Variants in SPATS2 observed in about 807,000 individuals in gnomAD.
SPATS2 encodes spermatogenesis-associated serine-rich protein 2.
Under a neutral mutation model 63.7 loss-of-function variants are expected in SPATS2, and 38 were observed. That is an observed-to-expected ratio of 0.60 (90% confidence interval 0.46 to 0.78). The LOEUF (loss-of-function observed/expected upper bound fraction) is 0.78, where lower values mean the gene tolerates loss of function less well. Among genes scored for constraint, SPATS2 ranks in the 30% least tolerant of loss-of-function variants. The pLI is 0.00. For missense variants in SPATS2, 588 were observed against 666.2 expected, an observed-to-expected ratio of 0.88 and a Z score of 1.29; for synonymous variants, 207 against 232.9, an observed-to-expected ratio of 0.89 and a Z score of 1.01.
chr12:49,386,725 A>G (rs953642882), intron 2 of SPATS2, among the ~76,000 whole-genome samples: 13 of 152,152 alleles, frequency 8.5e-5, no homozygotes, highest in Non-Finnish European at 1.5e-5. Context: ...GGGAGAAGCA[A>G]TGGATGGAAG....
chr12:49,409,466 C>T (rs759472474), intron 2 of SPATS2, among the ~76,000 whole-genome samples: 9 of 151,514 alleles, frequency 5.9e-5, no homozygotes, highest in Non-Finnish European at 8.8e-5. Flanking sequence ...CCACCATGCC[C>T]GGCTAATTTT....
At position 49,431,973 on chromosome 12, in the gene SPATS2, A is replaced by G. The variant is rs183929998; in HGVS notation, c.-243-28797A>G. Among the ~76,000 whole-genome samples the G allele has an allele frequency of 9.0e-3, 1,374 of 152,252 alleles. 14 individuals are homozygous for G. The highest frequency in any genetic ancestry group is 0.016 in the Non-Finnish European group (1,063 of 68,010). On this transcript the variant is annotated intron_variant, in intron 2 of 13. Transcript: ENST00000552918. The stretch of plus-strand genomic sequence containing the variant: ...GGTTGAGGGTACAGTGAGCCTGGGC[A>G]ACAAAACAAGACCTTGTCAAAAAAA...
rs1945818107 is a variant in SPATS2, at chr12:49,461,299, A to G, written c.25+262A>G. 3 of 416,634 alleles carry G rather than the reference A, an allele frequency of 7.2e-6. No individual in the cohort carries two copies. The South Asian group carries it at 1.0e-4, about 14-fold the overall frequency. The allele number at this position is 416,634 out of a possible 1,614,324, so 25.8% of individuals were successfully genotyped here. On this transcript the variant is annotated intron_variant, in intron 3 of 13. Coordinates refer to ENST00000552918, the MANE Select transcript of SPATS2 (RefSeq NM_023071.4). Reference sequence around the variant, plus strand: ...TTTGAATACTGAACATATGTTAGGGAGATGTGTTAAGAGGGCTAGCTTGCT... The same window carrying G: ...TTTGAATACTGAACATATGTTAGGGGGATGTGTTAAGAGGGCTAGCTTGCT...
chr12:49,416,592 A>G (rs1264255301), intron 2 of SPATS2, among the ~76,000 whole-genome samples: 5 of 151,892 alleles, frequency 3.3e-5, no homozygotes, highest in African/African-American at 4.8e-5. Flanking sequence ...GGTTCAAGCA[A>G]TTCTCCTGCC....
At chr12:49,420,214 T>C (rs1391746137) in intron 2 of SPATS2, among the ~76,000 whole-genome samples, 1 of 152,210 alleles carries the variant, frequency 6.6e-6, no homozygotes, top group Non-Finnish European at 1.5e-5. Flanking sequence ...TGCATTAAAA[T>C]TTTTTTATTT....
chr12:49,452,645 T>C (rs1433692504), intron 2 of SPATS2, among the ~76,000 whole-genome samples: 1 of 152,202 alleles, frequency 6.6e-6, no homozygotes, highest in African/African-American at 2.4e-5. Context: ...TTTCTTCAAG[T>C]TTTCTGATTT....
chr12:49,456,242 G>A (rs1260742575), intron 2 of SPATS2, among the ~76,000 whole-genome samples: 2 of 152,174 alleles, frequency 1.3e-5, no homozygotes, highest in Non-Finnish European at 2.9e-5. Context: ...AGGTTCAGTA[G>A]GTTTCTTGTG....
intron 2 of SPATS2, among the ~76,000 whole-genome samples, chr12:49,393,879 A>G (rs146941952): frequency 1.6e-3 from 239 of 152,128 alleles, no homozygotes; most frequent in African/African-American, 5.4e-3. Context: ...GGTTCTCCCT[A>G]TGTTGCCCAG....
At chr12:49,517,026 A>G (rs190340847) in intron 10 of SPATS2, among the ~76,000 whole-genome samples, 91 of 152,278 alleles carry the variant, frequency 6.0e-4, no homozygotes, top group African/African-American at 1.2e-3. Flanking sequence ...TAGTATTTCA[A>G]TCTTTTCCAG....
At chr12:49,387,851 T>C (rs1391857168) in intron 2 of SPATS2, among the ~76,000 whole-genome samples, 3 of 152,148 alleles carry the variant, frequency 2.0e-5, no homozygotes, top group Admixed American at 2.0e-4. Flanking sequence ...CTGTTCATAA[T>C]GGAGAGGAGT....
chr12:49,500,242 A>G (rs764582332), intron 9 of SPATS2, 37 bp downstream of exon 9: 143 of 1,577,246 alleles, frequency 9.1e-5, no homozygotes, highest in Non-Finnish European at 1.2e-4. Flanking sequence ...TAGCATAAAA[A>G]TGATCATATA....
At chr12:49,469,547 A>G (rs1417486484) in intron 3 of SPATS2, 1 of 389,632 alleles carries the variant, frequency 2.6e-6, no homozygotes, top group Non-Finnish European at 5.1e-6. Flanking sequence ...GTCTCTAAAA[A>G]AAAAAAAAAA....
At chr12:49,525,667 G>A (rs778846910) in intron 13 of SPATS2, among the ~76,000 whole-genome samples, 1 of 152,174 alleles carries the variant, frequency 6.6e-6, no homozygotes, top group African/African-American at 2.4e-5. Flanking sequence ...ACAACCCAGA[G>A]AATGTTCTTT....
At chr12:49,512,606 A>G (rs1447202937) in intron 9 of SPATS2, among the ~76,000 whole-genome samples, 1 of 152,204 alleles carries the variant, frequency 6.6e-6, no homozygotes, top group Non-Finnish European at 1.5e-5. Flanking sequence ...AAAAAGCCTG[A>G]TTGTGTTGAT....
chr12:49,436,534 C>A (rs1945295282), intron 2 of SPATS2, among the ~76,000 whole-genome samples: 1 of 125,804 alleles, frequency 7.9e-6, no homozygotes, highest in Non-Finnish European at 1.8e-5. Context: ...GGCTGACCCC[C>A]CCGCCTCCTG....
intron 9 of SPATS2, among the ~76,000 whole-genome samples, chr12:49,508,567 T>A (rs1946691912): frequency 6.6e-6 from 1 of 152,170 alleles, no homozygotes; most frequent in Non-Finnish European, 1.5e-5. Context: ...TAAGGGGGCT[T>A]AACACCCCAG....
intron 8 of SPATS2, among the ~76,000 whole-genome samples, chr12:49,498,132 C>CAAAAAAA (rs71439501): frequency 4.3e-5 from 5 of 117,350 alleles, no homozygotes; most frequent in Non-Finnish European, 8.3e-5. Flanking sequence ...CCAATCAAGC[C>CAAAAAAA]AAAAAAAAAA....
At chr12:49,391,194 AAGT>A (rs1487957738) in intron 2 of SPATS2, among the ~76,000 whole-genome samples, 2 of 152,196 alleles carry the variant, frequency 1.3e-5, no homozygotes, top group African/African-American at 4.8e-5. Context: ...GTGGATTTAG[AAGT>A]ATTTGTTTTC....
At chr12:49,401,842 C>T (rs1245339706) in intron 2 of SPATS2, among the ~76,000 whole-genome samples, 2 of 152,132 alleles carry the variant, frequency 1.3e-5, no homozygotes, top group African/African-American at 4.8e-5. Context: ...GGATTACAGC[C>T]ATGTAGCACA....
Sources: gnomAD v4.1 joint callset for allele counts (sites outside exome capture counted in the v4.1 genomes callset) on GRCh38, gnomAD v4.1.1 for gene constraint, MANE v1.5 for transcripts, NCBI Gene and HGNC (gene_info 2026-07-23, HGNC 2026-07-21) for gene names.